The following LIN7A variants were observed in gnomAD, a reference collection of about 807,000 sequenced individuals.
LIN7A encodes the protein protein lin-7 homolog A.
A neutral mutation model predicts 29.8 loss-of-function variants in LIN7A; 25 were observed. The observed-to-expected ratio is 0.84, with a 90% CI of 0.61 to 1.17. The LOEUF is 1.17. LIN7A is among the 50% of genes most tolerant of loss of function. The probability of loss-of-function intolerance (pLI) is 0.00; values close to 1 mark genes in which losing one functional copy is unlikely to be tolerated. For synonymous variants in LIN7A, 118 were observed against 107.5 expected, an observed-to-expected ratio of 1.10 and a Z score of -0.60; for missense variants, 239 against 287.0, an observed-to-expected ratio of 0.83 and a Z score of 1.21.
intron 4 of LIN7A, among the ~76,000 whole-genome samples, chr12:80,824,175 CAG>C (rs1411486157): frequency 4.6e-5 from 7 of 151,940 alleles, no homozygotes; most frequent in African/African-American, 1.5e-4. Flanking sequence ...AGAAATGAAA[CAG>C]GGGATATTAC....
chr12:80,847,562 T>C (rs895377681), intron 3 of LIN7A, among the ~76,000 whole-genome samples: 1 of 152,240 alleles, frequency 6.6e-6, no homozygotes, highest in Non-Finnish European at 1.5e-5. Flanking sequence ...GCAAGTCATG[T>C]TTCTATTATA....
At chr12:80,892,830 C>T (rs1445763537) in intron 1 of LIN7A, among the ~76,000 whole-genome samples, 1 of 152,168 alleles carries the variant, frequency 6.6e-6, no homozygotes, top group Non-Finnish European at 1.5e-5. Context: ...GTTGAGACCA[C>T]TGCTCTAGTT....
chr12:80,880,102 T>C (rs548299282), intron 2 of LIN7A, among the ~76,000 whole-genome samples: 1 of 152,182 alleles, frequency 6.6e-6, no homozygotes, highest in Admixed American at 6.5e-5. Flanking sequence ...GTCTTTCTCA[T>C]TTTCAACTCC....
chr12:80,902,972 C>A (rs1326018081), intron 1 of LIN7A, among the ~76,000 whole-genome samples: 4 of 151,440 alleles, frequency 2.6e-5, no homozygotes, highest in Non-Finnish European at 3.0e-5. Context: ...CTTGCCCATT[C>A]AGCATGATGT....
intron 2 of LIN7A, among the ~76,000 whole-genome samples, chr12:80,868,505 T>G (rs1342376061): frequency 1.3e-5 from 2 of 151,868 alleles, no homozygotes; most frequent in African/African-American, 2.4e-5. Context: ...GAGGTGGAGG[T>G]TGCAGTGGGC....
intron 4 of LIN7A, among the ~76,000 whole-genome samples, chr12:80,831,426 T>C (rs1443636096): frequency 6.6e-6 from 1 of 152,186 alleles, no homozygotes; most frequent in Non-Finnish European, 1.5e-5. Context: ...AAATAATTGA[T>C]AATGCATCAG....
intron 2 of LIN7A, chr12:80,860,862 T>TA (rs1873838549): frequency 6.6e-6 from 1 of 152,214 alleles, no homozygotes; most frequent in African/African-American, 2.4e-5. Flanking sequence ...TTGCATTAAG[T>TA]TTCTTTTGAA....
At chr12:80,888,221 A>G (rs1875434165) in intron 2 of LIN7A, among the ~76,000 whole-genome samples, 1 of 152,196 alleles carries the variant, frequency 6.6e-6, no homozygotes, top group Non-Finnish European at 1.5e-5. Flanking sequence ...TAGCACAAGC[A>G]CAGCATAAGT....
At chr12:80,822,955 G>A in intron 4 of LIN7A, among the ~76,000 whole-genome samples, 1 of 152,080 alleles carries the variant, frequency 6.6e-6, no homozygotes, top group East Asian at 1.9e-4. Flanking sequence ...CTTTCTCTTG[G>A]TCTGCCTATG....
chr12:80,911,355 A>T (rs1876739543), intron 1 of LIN7A, among the ~76,000 whole-genome samples: 1 of 148,408 alleles, frequency 6.7e-6, no homozygotes, highest in Non-Finnish European at 1.5e-5. Context: ...GGCTAAAGAG[A>T]TCCTCCCACT....
intron 4 of LIN7A, among the ~76,000 whole-genome samples, chr12:80,813,575 G>A (rs546159820): frequency 1.3e-5 from 2 of 152,204 alleles, no homozygotes; most frequent in East Asian, 3.9e-4. Context: ...ATCAATTCTT[G>A]GCTTTTGAGT....
At chr12:80,902,328 A>T (rs1876263637) in intron 1 of LIN7A, among the ~76,000 whole-genome samples, 2 of 148,352 alleles carry the variant, frequency 1.3e-5, no homozygotes, top group African/African-American at 2.5e-5. Context: ...TTTGCTTAGG[A>T]TTGCTTTGGC....
intron 4 of LIN7A, among the ~76,000 whole-genome samples, chr12:80,816,234 A>T (rs1324927153): frequency 6.6e-6 from 1 of 152,124 alleles, no homozygotes; most frequent in African/African-American, 2.4e-5. Flanking sequence ...GCAAGACCCC[A>T]TCTCTACAAA....
At chr12:80,845,662 G>C (rs1873037048) in intron 4 of LIN7A, 68 bp downstream of exon 4, 1 of 1,286,372 alleles carries the variant, frequency 7.8e-7, no homozygotes, top group African/African-American at 1.5e-5. Flanking sequence ...GTTGACTTCA[G>C]TAATAGCAGG....
At chr12:80,925,272 T>C (rs1020362699) in intron 1 of LIN7A, among the ~76,000 whole-genome samples, 1 of 152,176 alleles carries the variant, frequency 6.6e-6, no homozygotes, top group African/African-American at 2.4e-5. Context: ...CATCAAGAAG[T>C]ATGTGATTTG....
At chr12:80,907,055 C>CTGTG (rs529376132) in intron 1 of LIN7A, among the ~76,000 whole-genome samples, 9,121 of 145,062 alleles carry the variant, frequency 0.063, 547 homozygotes, top group African/African-American at 0.15. Flanking sequence ...AGTGCGTGCT[C>CTGTG]TGTGTGTGTG....
At chr12:80,890,962 A>T (rs898776236) in intron 1 of LIN7A, among the ~76,000 whole-genome samples, 3 of 151,664 alleles carry the variant, frequency 2.0e-5, no homozygotes, top group Non-Finnish European at 4.4e-5. Context: ...CTCAGAGCTC[A>T]TTTTTTTTCC....
chr12:80,918,153 T>C (rs893336435), intron 1 of LIN7A, among the ~76,000 whole-genome samples: 2 of 152,106 alleles, frequency 1.3e-5, no homozygotes, highest in African/African-American at 4.8e-5. Context: ...ACTCAAGTGA[T>C]CCTCCCACCT....
chr12:80,912,742 A>G (rs1352983073), intron 1 of LIN7A, among the ~76,000 whole-genome samples: 1 of 151,816 alleles, frequency 6.6e-6, no homozygotes, highest in Non-Finnish European at 1.5e-5. Flanking sequence ...AAAGAAAAGA[A>G]AAAGAAAACA....
Sources: allele counts gnomAD v4.1 joint callset (sites outside exome capture counted in the v4.1 genomes callset), GRCh38; gene constraint gnomAD v4.1.1; transcripts MANE v1.5; gene names NCBI Gene and HGNC (gene_info 2026-07-23, HGNC 2026-07-21).